Variants in TAS2R1 observed in about 807,000 individuals in gnomAD.
The protein encoded by TAS2R1 is taste 2 receptor member 1.
For synonymous variants in TAS2R1, 141 were observed against 134.2 expected (o/e 1.05, Z -0.35); for missense variants, 370 against 353.4 (o/e 1.05, Z -0.38).
At chr5:9,670,378 G>GGTCA in intron 1 of TAS2R1, among the ~76,000 whole-genome samples, 1 of 152,154 alleles carries the variant, frequency 6.6e-6, no homozygotes, top group Non-Finnish European at 1.5e-5. Context: ...ACTGAGTTTT[G>GGTCA]ACCAATCAAA....
At chr5:9,767,213 G>A in the TAS2R1 span, among the ~76,000 whole-genome samples, 363 of 150,830 alleles carry the variant, frequency 2.4e-3, 1 homozygote, top group Non-Finnish European at 3.9e-3. Flanking sequence ...GCCCTCCCCC[G>A]CAATCCCACG....
the TAS2R1 span, among the ~76,000 whole-genome samples, chr5:9,790,677 G>A: frequency 4.3e-4 from 66 of 152,256 alleles, no homozygotes; most frequent in East Asian, 0.012. Context: ...CGCCCAGGCT[G>A]CAGTGCAGTG....
chr5:9,681,842 C>G (rs1044551412), intron 1 of TAS2R1, among the ~76,000 whole-genome samples: 6 of 152,070 alleles, frequency 3.9e-5, no homozygotes, highest in Non-Finnish European at 8.8e-5. Context: ...TCATCCCAAA[C>G]CAAAAGAAAC....
the TAS2R1 span, among the ~76,000 whole-genome samples, chr5:9,788,725 GAAC>G: frequency 6.6e-6 from 1 of 152,078 alleles, no homozygotes; most frequent in African/African-American, 2.4e-5. Context: ...GATTTCAGCC[GAAC>G]AACAGTAAAC....
the TAS2R1 span, among the ~76,000 whole-genome samples, chr5:9,798,564 T>C: frequency 1.1e-3 from 171 of 152,326 alleles, no homozygotes; most frequent in African/African-American, 4.0e-3. Context: ...ATTGATTTCC[T>C]CCTGGACTCA....
At chr5:9,878,970 C>A in the TAS2R1 span, among the ~76,000 whole-genome samples, 1 of 152,282 alleles carries the variant, frequency 6.6e-6, no homozygotes, top group Non-Finnish European at 1.5e-5. Flanking sequence ...GTGCAGGGTG[C>A]CAGGCACTAC....
chr5:9,810,328 T>C, the TAS2R1 span, among the ~76,000 whole-genome samples: 2 of 152,250 alleles, frequency 1.3e-5, no homozygotes, highest in African/African-American at 4.8e-5. Flanking sequence ...GACTTCTATG[T>C]GTCTCCTGTG....
chr5:9,705,095 C>T (rs917884616), intron 1 of TAS2R1, among the ~76,000 whole-genome samples: 1 of 152,092 alleles, frequency 6.6e-6, no homozygotes, highest in Non-Finnish European at 1.5e-5. Flanking sequence ...TAAATGTATA[C>T]GTGGTCTTAG....
the TAS2R1 span, among the ~76,000 whole-genome samples, chr5:9,736,281 C>T: frequency 2.0e-5 from 3 of 152,170 alleles, no homozygotes; most frequent in African/African-American, 4.8e-5. Context: ...GCTGTGGGAC[C>T]GCAGAAAGCT....
the TAS2R1 span, among the ~76,000 whole-genome samples, chr5:9,798,585 C>A: frequency 1.3e-5 from 2 of 152,212 alleles, no homozygotes; most frequent in African/African-American, 4.8e-5. Context: ...GTTTCCCCAT[C>A]TGTAAAATGC....
the TAS2R1 span, among the ~76,000 whole-genome samples, chr5:9,752,975 T>A: frequency 6.6e-6 from 1 of 152,182 alleles, no homozygotes; most frequent in Non-Finnish European, 1.5e-5. Flanking sequence ...TGGTTCCAAG[T>A]CTTTGCTATT....
intron 1 of TAS2R1, among the ~76,000 whole-genome samples, chr5:9,694,855 G>C (rs1014781507): frequency 9.2e-5 from 14 of 152,122 alleles, no homozygotes; most frequent in African/African-American, 3.4e-4. Flanking sequence ...GAATTCACCA[G>C]TGTTTTAATT....
At chr5:9,903,211 T>C in the TAS2R1 span, among the ~76,000 whole-genome samples, 11 of 152,116 alleles carry the variant, frequency 7.2e-5, no homozygotes, top group African/African-American at 2.4e-4. Flanking sequence ...ACATTAACCA[T>C]CCCCACCTCT....
chr5:9,747,749 A>G, the TAS2R1 span, among the ~76,000 whole-genome samples: 2 of 152,150 alleles, frequency 1.3e-5, no homozygotes, highest in South Asian at 4.1e-4. Flanking sequence ...AACAAGTGGG[A>G]CACCTCTTTC....
At chr5:9,676,910 T>C (rs1740887990) in intron 1 of TAS2R1, among the ~76,000 whole-genome samples, 1 of 152,320 alleles carries the variant, frequency 6.6e-6, no homozygotes, top group East Asian at 1.9e-4. Flanking sequence ...ACTGGGTTTT[T>C]ACCCAAAGAA....
the TAS2R1 span, among the ~76,000 whole-genome samples, chr5:9,806,920 AG>A: frequency 7.9e-5 from 12 of 152,286 alleles, no homozygotes; most frequent in Non-Finnish European, 8.8e-5. Context: ...TAAACTAAAA[AG>A]CTTATGCACA....
chr5:9,670,664 G>A (rs1263686549), intron 1 of TAS2R1, among the ~76,000 whole-genome samples: 1 of 151,990 alleles, frequency 6.6e-6, no homozygotes, highest in Non-Finnish European at 1.5e-5. Context: ...CTGCCAACCA[G>A]AAAAAGCTTA....
the TAS2R1 span, among the ~76,000 whole-genome samples, chr5:9,895,492 T>C: frequency 1.3e-5 from 2 of 152,354 alleles, no homozygotes; most frequent in East Asian, 3.9e-4. Flanking sequence ...GTCTGCTGAT[T>C]ACTGGAATAG....
the TAS2R1 span, among the ~76,000 whole-genome samples, chr5:9,823,449 G>GAGGGAGGA: frequency 2.0e-5 from 3 of 151,112 alleles, no homozygotes; most frequent in Non-Finnish European, 4.4e-5. Flanking sequence ...GGAAGAGAGG[G>GAGGGAGGA]AGGGAGGAAG....
Sources: gnomAD v4.1 joint callset for allele counts (sites outside exome capture counted in the v4.1 genomes callset) on GRCh38, gnomAD v4.1.1 for gene constraint, MANE v1.5 for transcripts, NCBI Gene and HGNC (gene_info 2026-07-23, HGNC 2026-07-21) for gene names.